Variants in OMD observed in about 807,000 individuals in gnomAD.
OMD encodes the protein osteomodulin, also known as KSPG osteomodulin.
A neutral mutation model predicts 31.2 loss-of-function variants in OMD; 19 were observed. That is an observed-to-expected ratio of 0.61 (90% CI 0.42 to 0.89). OMD has a LOEUF of 0.89. OMD is among the 40% of genes least tolerant of loss of function. The pLI is 0.00. For missense variants in OMD, 448 were observed against 490.8 expected (o/e 0.91, Z 0.82); for synonymous variants, 155 against 166.4 (o/e 0.93, Z 0.53).
At position 92,413,027 on chromosome 9, in the gene OMD, C is replaced by T. The variant is rs138941135; in HGVS notation, c.*2125G>A. Among the ~76,000 whole-genome samples, 2 of 139,728 alleles carry T rather than the reference C, an allele frequency of 1.4e-5. No individual in the cohort carries two copies. Among genetic ancestry groups the T allele is most frequent in the Non-Finnish European group, 3.1e-5 (2 of 65,430 alleles). 91.7% of individuals were successfully genotyped at this position (139,728 alleles called of 152,430 possible). Reference sequence around the variant, plus strand: ...GATATGGACTTTTGCTCTTGTTGCCCAGGCTGGAGTGCAATGGCATGGTCT... The same window carrying T: ...GATATGGACTTTTGCTCTTGTTGCCTAGGCTGGAGTGCAATGGCATGGTCT... On this transcript the variant is annotated 3_prime_UTR_variant, in exon 3 of 3. Coordinates refer to ENST00000375550, the MANE Select transcript of OMD (RefSeq NM_005014.3).
chr9:92,417,094 T>C lies in OMD; in HGVS notation c.465A>G (p.Glu155=). 6.2e-7 allele frequency: 1 copy of C among 1,613,836 alleles called. No homozygotes were observed. The highest frequency in any genetic ancestry group is 8.5e-7 in the Non-Finnish European group (1 of 1,179,886). ...QLHLEHNNLE[E]FPFPLPKSLE... ...GAGATTTAGGAAGAGGAAATGGAAA[T>C]TCTTCTAAATTATTATGCTCTAGAT... Residue 155 remains glutamate (E), a synonymous_variant, in exon 2 of 3, where the codon GAA becomes GAG. Coordinates refer to ENST00000375550, the MANE Select transcript of OMD (RefSeq NM_005014.3).
intron 1 of OMD, among the ~76,000 whole-genome samples, chr9:92,419,542 A>G (rs899757000): frequency 1.3e-5 from 2 of 151,660 alleles, no homozygotes; most frequent in Non-Finnish European, 1.5e-5. Flanking sequence ...CTCATGATCC[A>G]CCCACCTTGG....
rs1241833277 is a variant in OMD at position 92,415,464 on chromosome 9, T to C, written c.954A>G (p.Thr318=). ...QNNEIEKMNL[T]VMCPSIDPLH... is the part of the protein sequence containing the mutation. ...GTGGGTCAATAGAAGGACACATCAC[T>C]GTAAGATTCATCTCTGAAAGAAATA... is the stretch of plus-strand genomic sequence containing the variant. The change falls in exon 3 of 3, where the codon ACA becomes ACG. Residue 318 remains threonine, a synonymous_variant. Coordinates refer to ENST00000375550, the MANE Select transcript of OMD (RefSeq NM_005014.3). The C allele has an allele frequency of 4.4e-6, 7 of 1,584,890 alleles. No individual in the cohort carries two copies. Among genetic ancestry groups the C allele is most frequent in the Non-Finnish European group, 6.0e-6 (7 of 1,165,778 alleles).
At chr9:92,422,884 C>T (rs1232973466) in intron 1 of OMD, among the ~76,000 whole-genome samples, 1 of 152,200 alleles carries the variant, frequency 6.6e-6, no homozygotes, top group Non-Finnish European at 1.5e-5. Context: ...TCATACTCTA[C>T]AATGTATGCC....
At position 92,417,232 on chromosome 9, in the gene OMD, A is replaced by G. The variant is rs1843640925; in HGVS notation, c.327T>C (p.Asn109=). ...TAAGATGAGTTGCATTGATGAATGA[A>G]TTTGCAGTCACAGCCTCAATTTCAT... ...QFNEIEAVTA[N]SFINATHLKE... Residue 109 remains asparagine, a synonymous_variant, in exon 2 of 3, where the codon AAT becomes AAC. Transcript: ENST00000375550. 6.2e-7 allele frequency: 1 copy of G among 1,614,044 alleles called. No homozygotes were observed. The highest frequency in any genetic ancestry group is 8.5e-7 in the Non-Finnish European group (1 of 1,179,978).
intron 1 of OMD, among the ~76,000 whole-genome samples, chr9:92,423,676 GAGCA>G (rs1408827203): frequency 1.3e-5 from 2 of 151,978 alleles, no homozygotes; most frequent in African/African-American, 4.8e-5. Context: ...AGACTAGATA[GAGCA>G]TCTGTATTTT....
At chr9:92,422,242 C>T (rs1043275583) in intron 1 of OMD, among the ~76,000 whole-genome samples, 10 of 151,920 alleles carry the variant, frequency 6.6e-5, no homozygotes, top group African/African-American at 1.9e-4. Context: ...TTAGTTAAGA[C>T]GGGATTTTGC....
Position 92,416,674 on chromosome 9 carries a change from T to C in OMD, c.885A>G (p.Ala295=), listed in dbSNP as rs1294990453. The change falls in exon 2 of 3, where the codon GCA becomes GCG. Residue 295 remains alanine, a synonymous_variant. Transcript: ENST00000375550. The part of the protein sequence containing the change: ...LSVGHNKLKQ[A]FYIPRNLEHL... ...GTTCCAAATTTCTTGGAATATAGAA[T>C]GCTTGCTTCAATTTGTTGTGTCCAA... is the stretch of plus-strand genomic sequence containing the variant. The C allele has an allele frequency of 1.2e-6, 2 of 1,609,622 alleles. No individual in the cohort carries two copies. Among genetic ancestry groups the C allele is most frequent in the African/African-American group, 1.3e-5 (1 of 74,516 alleles).
rs376637244 is a variant in OMD, at chr9:92,413,062, G to A, written c.*2090C>T. On this transcript the variant is annotated 3_prime_UTR_variant, in exon 3 of 3. Transcript: ENST00000375550. ...TGCAATGGCATGGTCTTGGCTCACCGCAACTTCTGCCTCTTGGGTTTAGGC... is the reference window on the plus strand; with the variant it reads ...TGCAATGGCATGGTCTTGGCTCACCACAACTTCTGCCTCTTGGGTTTAGGC... Among the ~76,000 whole-genome samples, 4 of 127,148 alleles carry A rather than the reference G, an allele frequency of 3.1e-5. No individual in the cohort carries two copies. Among genetic ancestry groups the A allele is most frequent in the African/African-American group, 9.1e-5 (3 of 33,032 alleles). 83.4% of individuals were successfully genotyped at this position (127,148 alleles called of 152,430 possible). A position where few individuals can be genotyped will look rare whatever the true frequency, so the allele number is the denominator to read the frequency against.
At chr9:92,415,848 AAT>A (rs1019567222) in intron 2 of OMD, among the ~76,000 whole-genome samples, 9 of 146,266 alleles carry the variant, frequency 6.2e-5, no homozygotes, top group Non-Finnish European at 9.0e-5. Flanking sequence ...TATATAAAAA[AAT>A]ATATATATAT....
chr9:92,422,524 G>T (rs1843838249), intron 1 of OMD, among the ~76,000 whole-genome samples: 1 of 152,170 alleles, frequency 6.6e-6, no homozygotes, highest in African/African-American at 2.4e-5. Context: ...AAATAAAGAG[G>T]TTTTTAATAT....
At chr9:92,421,853 G>A (rs1390464249) in intron 1 of OMD, among the ~76,000 whole-genome samples, 2 of 152,098 alleles carry the variant, frequency 1.3e-5, no homozygotes, top group Non-Finnish European at 2.9e-5. Flanking sequence ...CTTTATAGCA[G>A]AGATAGGCAA....
chr9:92,418,690 T>C (rs1843693984), intron 1 of OMD, among the ~76,000 whole-genome samples: 1 of 152,190 alleles, frequency 6.6e-6, no homozygotes, highest in Admixed American at 6.5e-5. Context: ...TGCTGATACC[T>C]TTTTCTGCCC....
At chr9:92,418,034 CAAAATT>C (rs941167016) in intron 1 of OMD, among the ~76,000 whole-genome samples, 3 of 148,760 alleles carry the variant, frequency 2.0e-5, no homozygotes, top group African/African-American at 5.0e-5. Context: ...GGCCTCAAAC[CAAAATT>C]AATGTTTAAG....
At chr9:92,415,578 G>T in intron 2 of OMD, 101 bp from the exon 3 acceptor site, 1 of 493,096 alleles carries the variant, frequency 2.0e-6, no homozygotes, top group Non-Finnish European at 3.2e-6. Context: ...ATATAATTCT[G>T]TTAATTAAAA....
intron 2 of OMD, among the ~76,000 whole-genome samples, chr9:92,416,058 G>GTGTGTATATATATA (rs6151074): frequency 1.5e-5 from 2 of 130,932 alleles, no homozygotes; most frequent in Non-Finnish European, 3.2e-5. Context: ...ATATATGTGT[G>GTGTGTATATATATA]TATATATATA....
At chr9:92,416,142 C>G (rs1185184363) in intron 2 of OMD, among the ~76,000 whole-genome samples, 1 of 145,992 alleles carries the variant, frequency 6.8e-6, no homozygotes, top group Non-Finnish European at 1.5e-5. Context: ...CTCTGTCATC[C>G]AGGCCAGAAA....
At position 92,413,823 on chromosome 9, in the gene OMD, C is replaced by T. The variant is rs954085347; in HGVS notation, c.*1329G>A. On this transcript the variant is annotated 3_prime_UTR_variant, in exon 3 of 3. Transcript: ENST00000375550. ...GAGGTTGTCCCTGGGAACAGGTGGG[C>T]GTTCTGGTTCTGATAATGCTAATAA... Among the ~76,000 whole-genome samples the T allele has an allele frequency of 6.6e-6, 1 of 152,036 alleles. No homozygotes were observed. The highest frequency in any genetic ancestry group is 2.4e-5 in the African/African-American group (1 of 41,374).
In OMD at chr9:92,417,516, CA is replaced by C. The variant is rs766963068; in HGVS notation, c.42del (p.Phe14LeufsTer36). The stretch of plus-strand genomic sequence containing the variant: ...TCATATTGGCAATGTACTTTGACTC[CA>C]AAAAAGAAGAAAATAACATATATTG... The part of the protein sequence containing the change: ...LSPIYVIFFF[F>X]GVKVHCQYET... On this transcript the variant is annotated frameshift_variant, in exon 2 of 3. Transcript: ENST00000375550. LOFTEE classifies it high-confidence loss of function. The C allele has an allele frequency of 2.5e-6, 4 of 1,601,374 alleles. No individual in the cohort carries two copies. The highest frequency in any genetic ancestry group is 3.4e-6 in the Non-Finnish European group (4 of 1,176,328).
Sources: gnomAD v4.1 joint callset for allele counts (sites outside exome capture counted in the v4.1 genomes callset) on GRCh38, gnomAD v4.1.1 for gene constraint, MANE v1.5 for transcripts, NCBI Gene and HGNC (gene_info 2026-07-23, HGNC 2026-07-21) for gene names.